LRRC20: variants seen among roughly 807,000 people sequenced by gnomAD.
The protein encoded by LRRC20 is leucine-rich repeat-containing protein 20.
Under a neutral mutation model 14.4 loss-of-function variants are expected in LRRC20, and 11 were observed. That is an observed-to-expected ratio of 0.77 (90% CI 0.48 to 1.27). The LOEUF (loss-of-function observed/expected upper bound fraction) is 1.27. Ranked by LOEUF, LRRC20 falls within the 50% of genes most tolerant of loss-of-function variation. The pLI is 0.00. For missense variants in LRRC20, 219 were observed against 251.2 expected (o/e 0.87, Z 0.87); for synonymous variants, 121 against 107.3 (o/e 1.13, Z -0.79).
chr10:70,300,850 CCAGGTCAGTTCT>C lies in LRRC20; in HGVS notation c.*492_*503del. The stretch of plus-strand genomic sequence containing the variant: ...GACTGGGCCCTGCAGAGGGCCGCAT[CCAGGTCAGTTCT>C]CAGGAAGCAATAAATAGATGGAGGT... On this transcript the variant is annotated 3_prime_UTR_variant, in exon 5 of 5. Coordinates refer to ENST00000446961, the MANE Select transcript of LRRC20 (RefSeq NM_001278212.2). 1 of 986,358 alleles carries C rather than the reference CCAGGTCAGTTCT, an allele frequency of 1.0e-6. No individual in the cohort carries two copies. Among genetic ancestry groups the C allele is most frequent in the Middle Eastern group, 5.2e-4 (1 of 1,920 alleles). The allele number at this position is 986,358 out of a possible 1,614,324, so 61.1% of individuals were successfully genotyped here.
intron 2 of LRRC20, among the ~76,000 whole-genome samples, chr10:70,341,691 C>G (rs1842919313): frequency 6.6e-6 from 1 of 152,154 alleles, no homozygotes; most frequent in Non-Finnish European, 1.5e-5. Flanking sequence ...TCACTTGAGC[C>G]TGGGAGGTGG....
intron 4 of LRRC20, among the ~76,000 whole-genome samples, chr10:70,320,731 C>T (rs1842046085): frequency 6.6e-6 from 1 of 152,188 alleles, no homozygotes; most frequent in African/African-American, 2.4e-5. Context: ...ACGTGCCACA[C>T]AGACCTGAAA....
chr10:70,350,845 A>AT (rs1480056410), intron 2 of LRRC20, among the ~76,000 whole-genome samples: 1 of 152,186 alleles, frequency 6.6e-6, no homozygotes, highest in African/African-American at 2.4e-5. Flanking sequence ...TCTCAGGGTT[A>AT]GGAGACCGGG....
At chr10:70,346,331 A>C (rs1843072177) in intron 2 of LRRC20, among the ~76,000 whole-genome samples, 1 of 152,150 alleles carries the variant, frequency 6.6e-6, no homozygotes, top group South Asian at 2.1e-4. Flanking sequence ...TGGGAGGATC[A>C]CTTGGGTCCA....
At chr10:70,349,137 G>A (rs867485817) in intron 2 of LRRC20, among the ~76,000 whole-genome samples, 11 of 152,264 alleles carry the variant, frequency 7.2e-5, no homozygotes, top group Admixed American at 1.3e-4. Flanking sequence ...AGCACAGACA[G>A]TATATAGTTC....
chr10:70,371,894 C>T (rs938920023), intron 2 of LRRC20, among the ~76,000 whole-genome samples: 1 of 152,002 alleles, frequency 6.6e-6, no homozygotes, highest in Non-Finnish European at 1.5e-5. Context: ...AGGAAGCAGG[C>T]CTGGCTCCAG....
chr10:70,328,237 C>T (rs1224929531), intron 3 of LRRC20, among the ~76,000 whole-genome samples: 2 of 152,098 alleles, frequency 1.3e-5, no homozygotes, highest in African/African-American at 4.8e-5. Context: ...ATTTACTAAG[C>T]ACCTACTATA....
At chr10:70,364,904 A>G (rs1015235016) in intron 2 of LRRC20, among the ~76,000 whole-genome samples, 3 of 152,118 alleles carry the variant, frequency 2.0e-5, no homozygotes, top group African/African-American at 7.2e-5. Flanking sequence ...CCTGCCAGGC[A>G]ATGCCCCTGC....
intron 1 of LRRC20, among the ~76,000 whole-genome samples, chr10:70,377,664 A>G (rs1012076810): frequency 1.3e-5 from 2 of 152,220 alleles, no homozygotes; most frequent in African/African-American, 4.8e-5. Context: ...AAGGCAGAAG[A>G]AGGCGAAGGG....
At chr10:70,342,282 C>T (rs951781590) in intron 2 of LRRC20, among the ~76,000 whole-genome samples, 1 of 151,668 alleles carries the variant, frequency 6.6e-6, no homozygotes, top group Non-Finnish European at 1.5e-5. Context: ...TGCACTCCAA[C>T]CTGGGCAACA....
At position 70,301,005 on chromosome 10, in the gene LRRC20, T is replaced by C. The variant is rs886882127; in HGVS notation, c.*349A>G. Reference sequence around the variant, plus strand: ...CTGTGCCTGCTGATCTGGAGGTAACTTGGAGGCACGTACTGCTTAAAAACC... The same window carrying C: ...CTGTGCCTGCTGATCTGGAGGTAACCTGGAGGCACGTACTGCTTAAAAACC... On this transcript the variant is annotated 3_prime_UTR_variant, in exon 5 of 5. Transcript: ENST00000446961. 1.9e-6 allele frequency: 2 copies of C among 1,041,382 alleles called. No individual in the cohort carries two copies. The highest frequency in any genetic ancestry group is 2.3e-6 in the Non-Finnish European group (2 of 867,196). 64.5% of individuals were successfully genotyped at this position (1,041,382 alleles called of 1,614,324 possible).
chr10:70,340,846 C>T, intron 2 of LRRC20, 144 bp from the exon 3 acceptor site: 1 of 771,686 alleles, frequency 1.3e-6, no homozygotes, highest in Non-Finnish European at 2.1e-6. Flanking sequence ...GGCTTCAGAC[C>T]CTGCCCTCCC....
chr10:70,359,919 CTTTTT>C (rs542983316), intron 2 of LRRC20, among the ~76,000 whole-genome samples: 1 of 141,618 alleles, frequency 7.1e-6, no homozygotes, highest in African/African-American at 2.6e-5. Context: ...TTTTCTTTTT[CTTTTT>C]TTTTTTTTTT....
chr10:70,362,630 G>C (rs1474901098), intron 2 of LRRC20, among the ~76,000 whole-genome samples: 1 of 152,194 alleles, frequency 6.6e-6, no homozygotes, highest in African/African-American at 2.4e-5. Flanking sequence ...ACCTCACCCA[G>C]CTTCACTTGG....
intron 4 of LRRC20, among the ~76,000 whole-genome samples, chr10:70,321,837 CCAT>C (rs1190013616): frequency 6.6e-6 from 1 of 151,842 alleles, no homozygotes; most frequent in Admixed American, 6.6e-5. Context: ...CAAGGGGAGA[CCAT>C]CACCCTGTGG....
At chr10:70,323,510 G>A (rs1842179837) in intron 4 of LRRC20, among the ~76,000 whole-genome samples, 1 of 152,178 alleles carries the variant, frequency 6.6e-6, no homozygotes, top group African/African-American at 2.4e-5. Flanking sequence ...GGGGACTCAG[G>A]GAGGAAAAAG....
intron 3 of LRRC20, among the ~76,000 whole-genome samples, chr10:70,332,754 T>C (rs912669886): frequency 2.0e-5 from 3 of 152,256 alleles, no homozygotes; most frequent in Non-Finnish European, 2.9e-5. Context: ...TGGCATATTA[T>C]AAATGCTACT....
At chr10:70,356,630 A>T (rs1385478035) in intron 2 of LRRC20, among the ~76,000 whole-genome samples, 2 of 152,206 alleles carry the variant, frequency 1.3e-5, no homozygotes, top group South Asian at 2.1e-4. Flanking sequence ...AGGCGGGCAG[A>T]TCACGAGGTT....
intron 2 of LRRC20, among the ~76,000 whole-genome samples, chr10:70,347,546 C>T (rs1262401589): frequency 4.6e-5 from 7 of 152,170 alleles, no homozygotes; most frequent in South Asian, 2.1e-4. Context: ...GTGCCGGGCA[C>T]GGTGGCTCAC....
Sources: gnomAD v4.1 joint callset for allele counts (sites outside exome capture counted in the v4.1 genomes callset) on GRCh38, gnomAD v4.1.1 for gene constraint, MANE v1.5 for transcripts, NCBI Gene and HGNC (gene_info 2026-07-23, HGNC 2026-07-21) for gene names.